The following NOD2 variants were observed in gnomAD, a reference collection of about 807,000 sequenced individuals.
NOD2 encodes the protein nucleotide binding oligomerization domain containing 2.
A neutral mutation model predicts 90.9 loss-of-function variants in NOD2; 86 were observed. That is an observed-to-expected ratio of 0.95 (90% CI 0.79 to 1.13). The LOEUF is 1.13. Among genes scored for constraint, NOD2 ranks in the 50% most tolerant of loss-of-function variants. The probability of loss-of-function intolerance (pLI) is 0.00; values close to 1 mark genes in which losing one functional copy is unlikely to be tolerated. For synonymous variants in NOD2, 581 were observed against 554.6 expected, an observed-to-expected ratio of 1.05 and a Z score of -0.67; for missense variants, 1,238 against 1,283.8, an observed-to-expected ratio of 0.96 and a Z score of 0.55.
At chr16:50,713,178 T>C (rs1964617891) in intron 4 of NOD2, 1 of 152,370 alleles carries the variant, frequency 6.6e-6, no homozygotes, top group African/African-American at 2.4e-5. Flanking sequence ...CCTTCCAGCT[T>C]GAAAGGGGAT....
At chr16:50,700,125 CA>C (rs1224199519) in intron 2 of NOD2, among the ~76,000 whole-genome samples, 171 bp downstream of exon 2, 1 of 152,114 alleles carries the variant, frequency 6.6e-6, no homozygotes, top group Non-Finnish European at 1.5e-5. Flanking sequence ...AGGAAACGTA[CA>C]ACTCTTTCTT....
chr16:50,719,051 TC>T (rs746418100), intron 6 of NOD2, among the ~76,000 whole-genome samples: 39 of 152,052 alleles, frequency 2.6e-4, no homozygotes, highest in Non-Finnish European at 1.5e-4. Context: ...GATGAGGAGT[TC>T]TTGAACCAAA....
chr16:50,697,660 T>A (rs1482697155), intron 1 of NOD2: 1 of 383,440 alleles, frequency 2.6e-6, no homozygotes, highest in Non-Finnish European at 5.0e-6. Flanking sequence ...GAGAACTCCT[T>A]GGCCTGAGAG....
chr16:50,712,175 C>T lies in NOD2; in HGVS notation c.2183C>T (p.Ala728Val), dbSNP rs61747625. 5,612 of 1,613,954 alleles carry T rather than the reference C, an allele frequency of 3.5e-3. 10 individuals are homozygous for T. The highest frequency in any genetic ancestry group is 4.4e-3 in the Non-Finnish European group (5,144 of 1,180,042). The change falls in exon 4 of 12, where the codon GCT (alanine) becomes GTT (valine). Residue 728 changes from alanine to valine, a missense_variant. By Grantham distance (64) the Ala-to-Val change is moderately conservative. Transcript: ENST00000647318. ...TACGAGATGCAGGAGGAGCGGCTGG[C>T]TCGGAAGGCTGCACGTGGCCTGAAT... is the stretch of plus-strand genomic sequence containing the variant. ...SLYEMQEERL[A>V]RKAARGLNVG...
chr16:50,694,884 G>A (rs1963572915), intron 1 of NOD2, among the ~76,000 whole-genome samples: 1 of 152,186 alleles, frequency 6.6e-6, no homozygotes, highest in African/African-American at 2.4e-5. Flanking sequence ...GTGGCGGGAA[G>A]TACTACGAGT....
intron 2 of NOD2, among the ~76,000 whole-genome samples, chr16:50,703,079 T>C (rs1964012305): frequency 6.6e-6 from 1 of 152,224 alleles, no homozygotes; most frequent in Admixed American, 6.5e-5. Context: ...AATTGGGAAA[T>C]GCACCATGCA....
intron 2 of NOD2, among the ~76,000 whole-genome samples, chr16:50,706,100 A>C (rs769080289): frequency 2.0e-5 from 3 of 152,208 alleles, no homozygotes; most frequent in Non-Finnish European, 4.4e-5. Context: ...TTGAAGGAGG[A>C]CAGGGAATTA....
rs104895451 is a variant in NOD2, at chr16:50,722,646, C to T, written c.2658C>T (p.Asp886=). 44 of 1,614,052 alleles carry T rather than the reference C, an allele frequency of 2.7e-5. No individual in the cohort carries two copies. The highest frequency in any genetic ancestry group is 1.6e-4 in the Middle Eastern group (1 of 6,084). Reference sequence around the variant, plus strand: ...GATTCTGGGGCAACAGAGTGGGTGACGAGGGGGCCCAGGCCCTGGCTGAAG... The same window carrying T: ...GATTCTGGGGCAACAGAGTGGGTGATGAGGGGGCCCAGGCCCTGGCTGAAG... The part of the protein sequence containing the change: ...FLGFWGNRVG[D]EGAQALAEAL... The change falls in exon 8 of 12, where the codon GAC becomes GAT. Residue 886 remains aspartate, a synonymous_variant. Transcript: ENST00000647318.
intron 1 of NOD2, chr16:50,697,317 G>C: frequency 6.4e-7 from 1 of 1,555,868 alleles, no homozygotes; most frequent in South Asian, 1.2e-5. Context: ...CATTCTCCGG[G>C]TAAGAGGAGC....
At chr16:50,700,114 C>T (rs78821446) in intron 2 of NOD2, among the ~76,000 whole-genome samples, 160 bp downstream of exon 2, 1 of 152,178 alleles carries the variant, frequency 6.6e-6, no homozygotes, top group Non-Finnish European at 1.5e-5. Context: ...TGACTCTTGG[C>T]AGGAAACGTA....
At chr16:50,730,034 C>A in intron 11 of NOD2, 133 bp downstream of exon 11, 1 of 683,268 alleles carries the variant, frequency 1.5e-6, no homozygotes, top group South Asian at 1.5e-5. Flanking sequence ...GAGAATGATT[C>A]TGCATGTGAA....
At chr16:50,729,366 A>T (rs913052249) in intron 10 of NOD2, among the ~76,000 whole-genome samples, 34 of 152,134 alleles carry the variant, frequency 2.2e-4, no homozygotes, top group African/African-American at 8.2e-4. Context: ...GACCCATGCC[A>T]CAAGGAGATG....
chr16:50,718,364 C>T (rs1245638905), intron 6 of NOD2, among the ~76,000 whole-genome samples: 2 of 152,322 alleles, frequency 1.3e-5, no homozygotes, highest in Non-Finnish European at 1.5e-5. Flanking sequence ...GCGTATAGAG[C>T]GTGGATGCGC....
At chr16:50,709,634 C>T (rs1218035656) in intron 3 of NOD2, among the ~76,000 whole-genome samples, 4 of 152,134 alleles carry the variant, frequency 2.6e-5, no homozygotes, top group East Asian at 1.9e-4. Context: ...TGGGGCACCC[C>T]GGTGACCCCG....
At chr16:50,695,517 G>C (rs1963606981) in intron 1 of NOD2, among the ~76,000 whole-genome samples, 2 of 152,110 alleles carry the variant, frequency 1.3e-5, no homozygotes, top group Admixed American at 1.3e-4. Context: ...TAAGGGCGGA[G>C]GTTGGAGTTG....
At chr16:50,697,052 G>T in intron 1 of NOD2, 1 of 633,874 alleles carries the variant, frequency 1.6e-6, no homozygotes, top group Non-Finnish European at 2.9e-6. Flanking sequence ...TGCCAGAATT[G>T]CTTGGAATTG....
rs201586544 is a variant in NOD2, at chr16:50,699,554, C to T, written c.59C>T (p.Ser20Leu). 362 of 1,613,914 alleles carry T rather than the reference C, an allele frequency of 2.2e-4. 1 individual carries two copies. Among genetic ancestry groups the T allele is most frequent in the Admixed American group, 3.0e-4 (18 of 60,012 alleles). Residue 20 changes from serine (S) to leucine (L), a missense_variant, in exon 2 of 12, where the codon TCA becomes TTA. By Grantham distance (145) the Ser-to-Leu change is moderately radical. Around this residue, in one of 3 missense-constraint regions of NOD2, gnomAD observed 567 missense variants for 577.3 expected, o/e 0.98. Coordinates refer to ENST00000647318, the MANE Select transcript of NOD2 (RefSeq NM_001370466.1). Reference sequence around the variant, plus strand: ...AGCCAGCTGGTCGAGCTGCTGGTCTCAGGGTCCCTGGAAGGCTTCGAGAGT... The same window carrying T: ...AGCCAGCTGGTCGAGCTGCTGGTCTTAGGGTCCCTGGAAGGCTTCGAGAGT... Reference protein sequence around the residue: ...QRSQLVELLVSGSLEGFESVL... With the variant: ...QRSQLVELLVLGSLEGFESVL...
chr16:50,726,211 T>A (rs1965258996), intron 10 of NOD2, among the ~76,000 whole-genome samples: 1 of 152,112 alleles, frequency 6.6e-6, no homozygotes, highest in Non-Finnish European at 1.5e-5. Flanking sequence ...CTAGTGACCA[T>A]CATGGGTTTG....
At position 50,711,892 on chromosome 16, in the gene NOD2, G is replaced by C. The variant is rs369957746; in HGVS notation, c.1900G>C (p.Ala634Pro). 2.2e-5 allele frequency: 36 copies of C among 1,608,514 alleles called. No individual in the cohort carries two copies. In the East Asian group the frequency reaches 5.6e-4, roughly 25 times the overall value. ...ASEGKDSSVA[A>P]LLQKAEPHNL... ...GGAGGGAAAGGACAGCAGCGTGGCA[G>C]CTTTGCTGCAGAAGGCCGAGCCGCA... Residue 634 changes from alanine (A) to proline (P), a missense_variant, in exon 4 of 12, where the codon GCT becomes CCT. Coordinates refer to ENST00000647318, the MANE Select transcript of NOD2 (RefSeq NM_001370466.1).
Sources: gnomAD v4.1 joint callset for allele counts (sites outside exome capture counted in the v4.1 genomes callset) on GRCh38, gnomAD v4.1.1 for gene constraint, gnomAD v4.1.1 regional missense constraint, MANE v1.5 for transcripts, NCBI Gene and HGNC (gene_info 2026-07-23, HGNC 2026-07-21) for gene names.